Variants in TACC2 observed in about 807,000 individuals in gnomAD.
TACC2 encodes transforming acidic coiled-coil containing protein 2.
In TACC2, 137 loss-of-function variants were observed where a neutral mutation model predicts 227.3. The ratio of observed to expected loss-of-function variants is 0.60; its 90% confidence interval spans 0.52 to 0.69. The LOEUF (loss-of-function observed/expected upper bound fraction) is 0.69, where lower values mean the gene tolerates loss of function less well. Ranked by LOEUF, TACC2 falls within the 30% of genes least tolerant of loss-of-function variation. TACC2 has a pLI of 0.00. For missense variants in TACC2, 3,470 were observed against 3,694.4 expected (o/e 0.94, Z 1.57); for synonymous variants, 1,523 against 1,487.5 (o/e 1.02, Z -0.55).
At chr10:122,121,948 G>C (rs1411880680) in intron 5 of TACC2, among the ~76,000 whole-genome samples, 9 of 152,304 alleles carry the variant, frequency 5.9e-5, no homozygotes, top group Non-Finnish European at 1.0e-4. Context: ...GACCTGGCGG[G>C]GAGGGGGATG....
At chr10:122,028,868 C>CTTCTG (rs1565107933) in intron 2 of TACC2, among the ~76,000 whole-genome samples, 1 of 46,508 alleles carries the variant, frequency 2.2e-5, no homozygotes, top group Non-Finnish European at 4.1e-5. Context: ...CTCCCCTCCC[C>CTTCTG]TTCCCTTCCC....
At chr10:122,149,031 T>C (rs78919047) in intron 7 of TACC2, among the ~76,000 whole-genome samples, 6,126 of 152,330 alleles carry the variant, frequency 0.04, 243 homozygotes, top group East Asian at 0.2. Context: ...TTTCCAGAGC[T>C]GTCAGCTCTT....
In TACC2 at chr10:122,007,269, A is replaced by G. The variant is rs527601191; in HGVS notation, c.-45-14668A>G. ...TCTGAGATAATTTTGTCTTTTTCTT[A>G]TATTTTTTTCTGGAGTTCAATTGAC... On this transcript the variant is annotated intron_variant, in intron 1 of 22. Coordinates refer to ENST00000369005, the MANE Select transcript of TACC2 (RefSeq NM_206862.4). 6.4e-4 allele frequency among the ~76,000 whole-genome samples: 98 copies of G among 151,962 alleles called. 2 individuals carry two copies. The South Asian group carries it at 0.02, about 31-fold the overall frequency.
At chr10:122,240,371 A>G (rs1177018803) in intron 18 of TACC2, among the ~76,000 whole-genome samples, 1 of 152,194 alleles carries the variant, frequency 6.6e-6, no homozygotes, top group Non-Finnish European at 1.5e-5. Flanking sequence ...TCGGAGGCTC[A>G]TCTCATGGTT....
intron 7 of TACC2, chr10:122,192,364 C>T (rs1347075896): frequency 3.6e-6 from 1 of 275,046 alleles, no homozygotes; most frequent in Non-Finnish European, 7.3e-6. Context: ...GGGCTAGAAC[C>T]GAGGGGCATC....
At chr10:122,113,993 C>T (rs2084158445) in intron 5 of TACC2, among the ~76,000 whole-genome samples, 1 of 152,260 alleles carries the variant, frequency 6.6e-6, no homozygotes, top group Admixed American at 6.5e-5. Flanking sequence ...CTTAAAATGG[C>T]TTCATCATCA....
intron 1 of TACC2, among the ~76,000 whole-genome samples, chr10:121,994,148 CCTAA>C (rs1953169272): frequency 6.6e-6 from 1 of 152,144 alleles, no homozygotes; most frequent in South Asian, 2.1e-4. Flanking sequence ...TTAGAACTCG[CCTAA>C]CTAACTGCTC....
intron 7 of TACC2, among the ~76,000 whole-genome samples, chr10:122,162,423 C>T (rs2092875176): frequency 6.6e-6 from 1 of 152,200 alleles, no homozygotes; most frequent in Non-Finnish European, 1.5e-5. Flanking sequence ...AGGCTCACTG[C>T]CCTGTGGGTG....
At chr10:122,222,416 C>A (rs1216825049) in intron 11 of TACC2, among the ~76,000 whole-genome samples, 1 of 152,326 alleles carries the variant, frequency 6.6e-6, no homozygotes, top group East Asian at 1.9e-4. Flanking sequence ...TGTTCTGAAG[C>A]AGCATCTCCA....
At chr10:122,068,531 T>C (rs1591642848) in intron 3 of TACC2, among the ~76,000 whole-genome samples, 1 of 152,190 alleles carries the variant, frequency 6.6e-6, no homozygotes, top group African/African-American at 2.4e-5. Context: ...AGGTGAGGAT[T>C]AATCTTCCCC....
intron 7 of TACC2, among the ~76,000 whole-genome samples, chr10:122,168,926 G>T (rs1392883964): frequency 1.3e-5 from 2 of 152,210 alleles, no homozygotes; most frequent in Non-Finnish European, 1.5e-5. Flanking sequence ...GAACAATTCT[G>T]TTTCTTCCCT....
chr10:122,120,380 C>G (rs1052111718), intron 5 of TACC2, among the ~76,000 whole-genome samples: 2 of 152,126 alleles, frequency 1.3e-5, no homozygotes, highest in South Asian at 2.1e-4. Flanking sequence ...AGTCGAAACC[C>G]TCATTAGGTG....
rs189442376 is a variant in TACC2 at position 122,061,746 on chromosome 10, G to C, written c.146+11196G>C. ...AGCAAGATGTCCAGTCCAGTCTAGA[G>C]AAACGCATGCAAATGAATAATTCTA... On this transcript the variant is annotated intron_variant, in intron 3 of 22. Transcript: ENST00000369005. Among the ~76,000 whole-genome samples, 286 of 152,224 alleles carry C rather than the reference G, an allele frequency of 1.9e-3. 2 individuals are homozygous for C. The highest frequency in any genetic ancestry group is 1.0e-3 in the Non-Finnish European group (71 of 68,022).
At chr10:122,223,347 T>C (rs189618268) in intron 11 of TACC2, among the ~76,000 whole-genome samples, 208 of 152,252 alleles carry the variant, frequency 1.4e-3, no homozygotes, top group Non-Finnish European at 2.3e-3. Flanking sequence ...TGCTTCTCAT[T>C]TTTAAGGTGA....
intron 1 of TACC2, among the ~76,000 whole-genome samples, chr10:121,998,746 C>T (rs1386290904): frequency 6.6e-6 from 1 of 152,130 alleles, no homozygotes; most frequent in Non-Finnish European, 1.5e-5. Context: ...AACCCAGCAA[C>T]ACTGGCTGAC....
chr10:122,043,459 C>CTTTCTCTT (rs1554975581), intron 2 of TACC2, among the ~76,000 whole-genome samples: 34 of 148,344 alleles, frequency 2.3e-4, no homozygotes, highest in South Asian at 6.3e-4. Context: ...TTCTTTCTTT[C>CTTTCTCTT]TCTTTCTTTC....
At chr10:122,207,419 C>G (rs547191785) in intron 8 of TACC2, among the ~76,000 whole-genome samples, 19 of 152,280 alleles carry the variant, frequency 1.2e-4, no homozygotes, top group African/African-American at 4.6e-4. Context: ...CACAATAAGA[C>G]AGCCGTTCCC....
chr10:122,086,334 G>A lies in TACC2; in HGVS notation c.3834G>A (p.Leu1278=), dbSNP rs757619080. The change falls in exon 4 of 23, where the codon TTG becomes TTA. Residue 1278 remains leucine (L), a synonymous_variant. Transcript: ENST00000369005. The part of the protein sequence containing the change: ...PCPVGEPPLA[L]ENAASLKLFA... ...CTGTAGGGGAGCCCCCACTTGCCTT[G>A]GAAAATGCTGCCTCCTTGAAGCTGT... 10 of 1,613,694 alleles carry A rather than the reference G, an allele frequency of 6.2e-6. No individual in the cohort carries two copies. In the Admixed American group the frequency reaches 6.7e-5, roughly 11 times the overall value.
chr10:122,167,208 GTGCCC>G (rs2093223749), intron 7 of TACC2, among the ~76,000 whole-genome samples: 1 of 152,220 alleles, frequency 6.6e-6, no homozygotes, highest in Non-Finnish European at 1.5e-5. Context: ...AAGTGAGCAC[GTGCCC>G]TTGGCTCTAA....
Sources: allele counts gnomAD v4.1 joint callset (sites outside exome capture counted in the v4.1 genomes callset), GRCh38; gene constraint gnomAD v4.1.1; transcripts MANE v1.5; gene names NCBI Gene and HGNC (gene_info 2026-07-23, HGNC 2026-07-21).